Variants in MECOM observed in about 807,000 individuals in gnomAD.
MECOM encodes histone-lysine N-methyltransferase MECOM.
A neutral mutation model predicts 116.3 loss-of-function variants in MECOM; 13 were observed. The observed-to-expected ratio is 0.11, with a 90% CI of 0.07 to 0.18. MECOM has a LOEUF of 0.18. MECOM is among the 10% of genes least tolerant of loss of function. The probability of loss-of-function intolerance (pLI) is 1.00; values close to 1 mark genes in which losing one functional copy is unlikely to be tolerated. For missense variants in MECOM, 1,299 were observed against 1,509.0 expected (o/e 0.86, Z 2.31); for synonymous variants, 528 against 535.2 (o/e 0.99, Z 0.19).
chr3:169,512,214 C>G (rs887115852), intron 1 of MECOM, among the ~76,000 whole-genome samples: 4 of 152,192 alleles, frequency 2.6e-5, no homozygotes, highest in African/African-American at 4.8e-5. Flanking sequence ...CCTTCAGTCT[C>G]TAGCTCCTCC....
intron 6 of MECOM, among the ~76,000 whole-genome samples, chr3:169,121,805 AC>A (rs945998597): frequency 2.6e-5 from 4 of 152,204 alleles, no homozygotes; most frequent in African/African-American, 4.8e-5. Flanking sequence ...TGAGAAAAAA[AC>A]ATACAAAATT....
At chr3:169,306,485 C>A (rs1445737268) in intron 2 of MECOM, among the ~76,000 whole-genome samples, 1 of 152,160 alleles carries the variant, frequency 6.6e-6, no homozygotes, top group Non-Finnish European at 1.5e-5. Flanking sequence ...AGTTTGAGGC[C>A]AGCCTGGCCA....
chr3:169,416,407 C>A (rs990250618), intron 1 of MECOM, among the ~76,000 whole-genome samples: 1 of 151,996 alleles, frequency 6.6e-6, no homozygotes, highest in African/African-American at 2.4e-5. Context: ...GCACTAAATG[C>A]CCACAGGAGA....
intron 1 of MECOM, among the ~76,000 whole-genome samples, chr3:169,622,253 C>G (rs1436664345): frequency 6.6e-6 from 1 of 152,080 alleles, no homozygotes; most frequent in East Asian, 1.9e-4. Context: ...CCATGCCCGG[C>G]TAATTTTTTT....
chr3:169,338,677 G>C (rs989350832), intron 2 of MECOM, among the ~76,000 whole-genome samples: 3 of 151,804 alleles, frequency 2.0e-5, no homozygotes, highest in Non-Finnish European at 4.4e-5. Context: ...AAGGGAGAGA[G>C]GGTGAGAAAT....
chr3:169,621,426 A>T (rs1369072754), intron 1 of MECOM, among the ~76,000 whole-genome samples: 6 of 152,228 alleles, frequency 3.9e-5, no homozygotes, highest in African/African-American at 7.2e-5. Flanking sequence ...GTTGTAGAAT[A>T]GCTCTTTGAT....
chr3:169,112,659 T>C, intron 9 of MECOM, 128 bp downstream of exon 9: 1 of 718,890 alleles, frequency 1.4e-6, no homozygotes, highest in Non-Finnish European at 2.4e-6. Context: ...TAGAATTTCC[T>C]GTGTTCTTCC....
At chr3:169,326,830 T>G (rs1476346472) in intron 2 of MECOM, among the ~76,000 whole-genome samples, 1 of 152,218 alleles carries the variant, frequency 6.6e-6, no homozygotes, top group East Asian at 1.9e-4. Flanking sequence ...ATGCAATAAG[T>G]ACACATATGT....
chr3:169,621,551 G>A (rs942856264), intron 1 of MECOM, among the ~76,000 whole-genome samples: 1 of 152,218 alleles, frequency 6.6e-6, no homozygotes, highest in African/African-American at 2.4e-5. Flanking sequence ...GAGGTCAGGA[G>A]TTCAAGACCA....
At chr3:169,191,738 AAG>A (rs5854316) in intron 2 of MECOM, among the ~76,000 whole-genome samples, 10,143 of 43,356 alleles carry the variant, frequency 0.23, 705 homozygotes, top group Middle Eastern at 0.37. Flanking sequence ...GAAAGAAAGA[AAG>A]AGAAAGAAAG....
chr3:169,392,868 T>C (rs539718867), intron 1 of MECOM, among the ~76,000 whole-genome samples: 35 of 152,198 alleles, frequency 2.3e-4, no homozygotes, highest in Non-Finnish European at 3.8e-4. Context: ...AAGCTCTTCA[T>C]AGTAACGTGA....
At position 169,598,654 on chromosome 3, in the gene MECOM, G is replaced by A. The variant is rs9838213; in HGVS notation, c.37+64682C>T. On this transcript the variant is annotated intron_variant, in intron 1 of 16. Coordinates refer to ENST00000651503, the MANE Select transcript of MECOM (RefSeq NM_004991.4). ...GTAGATTTACTTCATTCATAAAGGG[G>A]GGTAATGATACTTTTCGTCTGAGTG... Among the ~76,000 whole-genome samples the A allele has an allele frequency of 5.1e-3, 770 of 152,272 alleles. 6 individuals are homozygous for A. The highest frequency in any genetic ancestry group is 0.017 in the African/African-American group (718 of 41,528).
At chr3:169,486,437 C>CAAGTAT (rs1282882477) in intron 1 of MECOM, among the ~76,000 whole-genome samples, 2 of 151,880 alleles carry the variant, frequency 1.3e-5, no homozygotes, top group African/African-American at 4.8e-5. Flanking sequence ...CAGATCTTTC[C>CAAGTAT]AAGTATTTGG....
At chr3:169,250,026 C>T (rs1056749427) in intron 2 of MECOM, among the ~76,000 whole-genome samples, 28 of 152,158 alleles carry the variant, frequency 1.8e-4, no homozygotes, top group Non-Finnish European at 4.4e-5. Context: ...AACCACTCCA[C>T]CAACCCAATG....
intron 3 of MECOM, among the ~76,000 whole-genome samples, chr3:169,141,707 C>G (rs17468398): frequency 6.6e-6 from 1 of 151,760 alleles, no homozygotes; most frequent in East Asian, 1.9e-4. Context: ...GTCAATTGGG[C>G]TAAGAGTGAT....
intron 2 of MECOM, among the ~76,000 whole-genome samples, chr3:169,185,092 C>G (rs900990858): frequency 1.3e-5 from 2 of 152,054 alleles, no homozygotes; most frequent in Non-Finnish European, 2.9e-5. Context: ...AAAACGGAAA[C>G]GTTCAGGTGG....
intron 1 of MECOM, among the ~76,000 whole-genome samples, chr3:169,567,551 T>C (rs772743639): frequency 1.5e-4 from 23 of 152,136 alleles, no homozygotes; most frequent in Admixed American, 1.1e-3. Context: ...GAATGTCAGA[T>C]ACAGTAAGGC....
intron 2 of MECOM, among the ~76,000 whole-genome samples, chr3:169,365,940 T>G (rs1351203504): frequency 5.9e-5 from 9 of 152,030 alleles, no homozygotes; most frequent in Non-Finnish European, 1.3e-4. Context: ...ATCTATTTCT[T>G]TAGATATCAT....
intron 2 of MECOM, among the ~76,000 whole-genome samples, chr3:169,206,552 G>A (rs1163339718): frequency 6.6e-6 from 1 of 151,980 alleles, no homozygotes; most frequent in Non-Finnish European, 1.5e-5. Flanking sequence ...AGGAGTTTGA[G>A]ACCAGCCTGA....
Sources: allele counts gnomAD v4.1 joint callset (sites outside exome capture counted in the v4.1 genomes callset), GRCh38; gene constraint gnomAD v4.1.1; transcripts MANE v1.5; gene names NCBI Gene and HGNC (gene_info 2026-07-23, HGNC 2026-07-21).